The following MPPED1 variants were observed in gnomAD, a reference collection of about 807,000 sequenced individuals.
MPPED1 encodes metallophosphoesterase domain-containing protein 1.
MPPED1 carries 16 observed loss-of-function variants against 36.2 expected under a neutral mutation model. The ratio of observed to expected loss-of-function variants is 0.44; its 90% confidence interval spans 0.30 to 0.67. The LOEUF is 0.67. MPPED1 is among the 30% of genes least tolerant of loss of function. MPPED1 has a pLI of 0.10. For missense variants in MPPED1, 307 were observed against 453.4 expected, an observed-to-expected ratio of 0.68 and a Z score of 2.93; for synonymous variants, 199 against 191.3, an observed-to-expected ratio of 1.04 and a Z score of -0.33.
chr22:43,451,232 C>T (rs753638999), intron 3 of MPPED1, among the ~76,000 whole-genome samples: 35 of 152,260 alleles, frequency 2.3e-4, no homozygotes, highest in Admixed American at 1.0e-3. Flanking sequence ...GTCTCAATCT[C>T]TTGACCTCGT....
At chr22:43,434,775 C>T (rs1430200186) in intron 2 of MPPED1, among the ~76,000 whole-genome samples, 2 of 152,242 alleles carry the variant, frequency 1.3e-5, no homozygotes, top group Non-Finnish European at 2.9e-5. Flanking sequence ...CCCAACAGCC[C>T]CCCAACCCGA....
At chr22:43,446,676 G>A (rs923260360) in intron 3 of MPPED1, among the ~76,000 whole-genome samples, 8 of 152,296 alleles carry the variant, frequency 5.3e-5, no homozygotes, top group Non-Finnish European at 8.8e-5. Flanking sequence ...CAAGTGAGGC[G>A]GCCTGGGCAT....
chr22:43,476,730 G>A (rs1198652320), intron 4 of MPPED1, among the ~76,000 whole-genome samples: 1 of 152,152 alleles, frequency 6.6e-6, no homozygotes, highest in Non-Finnish European at 1.5e-5. Flanking sequence ...GATGTACAGG[G>A]TCTTGGTGAA....
chr22:43,499,620 GTGGTGA>G (rs1569091189), intron 5 of MPPED1, among the ~76,000 whole-genome samples: 1 of 82,882 alleles, frequency 1.2e-5, no homozygotes. Flanking sequence ...GGTGATGGTG[GTGGTGA>G]TGATGGTGGA....
chr22:43,444,826 C>T (rs1286243611), intron 3 of MPPED1, among the ~76,000 whole-genome samples: 1 of 151,920 alleles, frequency 6.6e-6, no homozygotes, highest in Non-Finnish European at 1.5e-5. Flanking sequence ...GTTTGTTATT[C>T]ATTTGGATTT....
At chr22:43,425,528 C>A (rs1929436826) in intron 2 of MPPED1, among the ~76,000 whole-genome samples, 4 of 152,270 alleles carry the variant, frequency 2.6e-5, no homozygotes, top group African/African-American at 9.6e-5. Flanking sequence ...AACCCAAAGG[C>A]CTGGAAACCC....
At chr22:43,503,356 G>T (rs1932765736) in intron 6 of MPPED1, among the ~76,000 whole-genome samples, 1 of 151,934 alleles carries the variant, frequency 6.6e-6, no homozygotes, top group Non-Finnish European at 1.5e-5. Context: ...CTCTTTTTTT[G>T]CCCCTTTTGG....
intron 3 of MPPED1, among the ~76,000 whole-genome samples, chr22:43,444,802 C>T (rs1260558114): frequency 1.3e-5 from 2 of 151,662 alleles, no homozygotes; most frequent in African/African-American, 4.8e-5. Context: ...TCTTGTGTGG[C>T]TTAATTTTGT....
chr22:43,432,061 C>T (rs1002431373), intron 2 of MPPED1, among the ~76,000 whole-genome samples: 16 of 152,242 alleles, frequency 1.1e-4, no homozygotes, highest in African/African-American at 3.9e-4. Flanking sequence ...CTCTGCTAGG[C>T]GGGGCTCCCA....
At chr22:43,433,994 TG>T (rs1337487502) in intron 2 of MPPED1, among the ~76,000 whole-genome samples, 1 of 152,128 alleles carries the variant, frequency 6.6e-6, no homozygotes, top group African/African-American at 2.4e-5. Context: ...GATGGAGAGC[TG>T]GGGTCTTAGC....
chr22:43,460,598 T>C (rs979800882), intron 3 of MPPED1, among the ~76,000 whole-genome samples: 1 of 152,172 alleles, frequency 6.6e-6, no homozygotes, highest in African/African-American at 2.4e-5. Context: ...CTGGAAACTC[T>C]GTGGTGTTTG....
At chr22:43,477,983 T>C (rs5759358) in intron 4 of MPPED1, among the ~76,000 whole-genome samples, 49,522 of 152,156 alleles carry the variant, frequency 0.33, 8,780 homozygotes, top group East Asian at 0.58. Context: ...TTATTATTAC[T>C]GGGGTGCTCC....
intron 3 of MPPED1, among the ~76,000 whole-genome samples, chr22:43,458,469 A>G (rs982806072): frequency 1.3e-5 from 2 of 152,098 alleles, no homozygotes; most frequent in African/African-American, 4.8e-5. Context: ...TATTTTTAGT[A>G]GAGACGGGGT....
At position 43,494,870 on chromosome 22, in the gene MPPED1, C is replaced by A. The variant is rs1932210201; in HGVS notation, c.633-3365C>A. ...GGCAGATTCCATGTCTGGTGAGGAC[C>A]CACTTCCTGGTTCATAGATGGCACC... On this transcript the variant is annotated intron_variant, in intron 4 of 6. Coordinates refer to ENST00000443721, the MANE Select transcript of MPPED1 (RefSeq NM_001044370.2). 3.3e-5 allele frequency among the ~76,000 whole-genome samples: 5 copies of A among 152,104 alleles called. No individual in the cohort carries two copies. In the South Asian group the frequency reaches 1.0e-3, roughly 31 times the overall value.
At chr22:43,420,607 G>A (rs1172357428) in intron 1 of MPPED1, among the ~76,000 whole-genome samples, 2 of 152,030 alleles carry the variant, frequency 1.3e-5, no homozygotes, top group African/African-American at 4.8e-5. Context: ...TCTCCATGTT[G>A]GTCAGGCTGG....
chr22:43,476,365 T>C (rs1024085814), intron 4 of MPPED1, among the ~76,000 whole-genome samples: 2 of 151,880 alleles, frequency 1.3e-5, no homozygotes, highest in African/African-American at 4.8e-5. Context: ...ACCTGAGCCT[T>C]GAGGGAAGAG....
At chr22:43,472,435 A>G (rs867104) in intron 3 of MPPED1, among the ~76,000 whole-genome samples, 90,577 of 151,988 alleles carry the variant, frequency 0.6, 27,434 homozygotes, top group African/African-American at 0.69. Context: ...TTTTACAGGT[A>G]AGGAAACTGA....
intron 4 of MPPED1, among the ~76,000 whole-genome samples, chr22:43,486,233 G>T (rs1177989008): frequency 6.6e-6 from 1 of 152,254 alleles, no homozygotes; most frequent in Admixed American, 6.5e-5. Context: ...GTTGCAGAAT[G>T]GGAATACAGC....
chr22:43,481,667 T>C (rs1321183221), intron 4 of MPPED1, among the ~76,000 whole-genome samples: 1 of 152,164 alleles, frequency 6.6e-6, no homozygotes, highest in Non-Finnish European at 1.5e-5. Context: ...CCCTCCCCTC[T>C]GTTTCCTTCT....
Sources: gnomAD v4.1 joint callset for allele counts (sites outside exome capture counted in the v4.1 genomes callset) on GRCh38, gnomAD v4.1.1 for gene constraint, MANE v1.5 for transcripts, NCBI Gene and HGNC (gene_info 2026-07-23, HGNC 2026-07-21) for gene names.